PRKG1: variants seen among roughly 807,000 people sequenced by gnomAD.
The protein encoded by PRKG1 is protein kinase cGMP-dependent 1, also known as cGMP-dependent protein kinase 1.
In PRKG1, 35 loss-of-function variants were observed where a neutral mutation model predicts 88.1. That is an observed-to-expected ratio of 0.40 (90% CI 0.30 to 0.53). The LOEUF (loss-of-function observed/expected upper bound fraction) is 0.53. PRKG1 is among the 20% of genes least tolerant of loss of function. The pLI is 0.59. For synonymous variants in PRKG1, 303 were observed against 292.5 expected (o/e 1.04, Z -0.37); for missense variants, 540 against 839.8 (o/e 0.64, Z 4.41).
chr10:51,616,296 T>C (rs1443495252), intron 3 of PRKG1, among the ~76,000 whole-genome samples: 1 of 152,020 alleles, frequency 6.6e-6, no homozygotes, highest in Admixed American at 6.6e-5. Flanking sequence ...GCCCTTCAGG[T>C]GATTTATTCA....
intron 4 of PRKG1, among the ~76,000 whole-genome samples, chr10:51,812,839 C>A (rs1341549207): frequency 1.3e-5 from 2 of 152,214 alleles, no homozygotes; most frequent in East Asian, 1.9e-4. Context: ...CTTCAAATGA[C>A]AAATGACTGT....
chr10:51,256,944 A>G (rs1183702210), intron 2 of PRKG1, among the ~76,000 whole-genome samples: 1 of 152,068 alleles, frequency 6.6e-6, no homozygotes. Context: ...GTGAGAGAGA[A>G]AAAGTAGTCA....
intron 1 of PRKG1, among the ~76,000 whole-genome samples, chr10:51,021,849 T>A (rs891953558): frequency 1.3e-5 from 2 of 151,684 alleles, no homozygotes; most frequent in Non-Finnish European, 2.9e-5. Context: ...CCTGGCTAAT[T>A]TTTGTATTTT....
Position 52,251,573 on chromosome 10 carries a change from T to C in PRKG1, c.1080T>C (p.Tyr360=), listed in dbSNP as rs141218982. 1,475 of 1,613,344 alleles carry C rather than the reference T, an allele frequency of 9.1e-4. 10 individuals are homozygous for C. The African/African-American group carries it at 0.016, about 18-fold the overall frequency. The change falls in exon 10 of 18, where the codon TAT becomes TAC. Residue 360 remains tyrosine, a synonymous_variant. Coordinates refer to ENST00000373980, the MANE Select transcript of PRKG1 (RefSeq NM_006258.4). ...TTTTTCACATCAAAAAATCCAGATA[T>C]GAAGCTGAAGCGGCTTTCTTCGCCA... is the stretch of plus-strand genomic sequence containing the variant. ...AYEDAEAKAK[Y]EAEAAFFANL...
intron 2 of PRKG1, among the ~76,000 whole-genome samples, chr10:51,452,783 T>C (rs943189187): frequency 1.3e-5 from 2 of 151,978 alleles, no homozygotes; most frequent in African/African-American, 4.8e-5. Flanking sequence ...TTGGTTTTGG[T>C]ATTAGGGTGA....
chr10:51,733,721 G>A (rs1430075317), intron 3 of PRKG1, among the ~76,000 whole-genome samples: 1 of 152,198 alleles, frequency 6.6e-6, no homozygotes, highest in African/African-American at 2.4e-5. Context: ...TCGGCCATAA[G>A]TGGATATGAT....
At chr10:51,122,492 T>C (rs1167253691) in intron 1 of PRKG1, among the ~76,000 whole-genome samples, 1 of 152,212 alleles carries the variant, frequency 6.6e-6, no homozygotes, top group Admixed American at 6.5e-5. Flanking sequence ...GGGTTGCCTC[T>C]TGTGGGTATA....
At chr10:51,735,575 G>C (rs1194979111) in intron 3 of PRKG1, among the ~76,000 whole-genome samples, 1 of 151,512 alleles carries the variant, frequency 6.6e-6, no homozygotes, top group African/African-American at 2.4e-5. Context: ...TTTGTGGGGG[G>C]ATTATTCCAA....
chr10:51,840,562 T>TTTATTTAC (rs981692507), intron 4 of PRKG1, among the ~76,000 whole-genome samples: 7 of 141,984 alleles, frequency 4.9e-5, no homozygotes, highest in Non-Finnish European at 9.3e-5. Context: ...TATTTATTTA[T>TTTATTTAC]TGAGACAAAG....
At chr10:51,292,257 C>A (rs759050885) in intron 2 of PRKG1, among the ~76,000 whole-genome samples, 2 of 152,146 alleles carry the variant, frequency 1.3e-5, no homozygotes, top group Non-Finnish European at 2.9e-5. Flanking sequence ...GGTTTAACAT[C>A]TTCCATAAAT....
intron 9 of PRKG1, among the ~76,000 whole-genome samples, chr10:52,190,982 C>A (rs912218470): frequency 6.6e-6 from 1 of 152,166 alleles, no homozygotes; most frequent in East Asian, 1.9e-4. Flanking sequence ...TATTATCACA[C>A]TTAACAAAAT....
At chr10:52,245,065 A>C (rs969630168) in intron 9 of PRKG1, among the ~76,000 whole-genome samples, 1 of 150,890 alleles carries the variant, frequency 6.6e-6, no homozygotes, top group Non-Finnish European at 1.5e-5. Context: ...TCAATACACT[A>C]AGCTTTATTA....
At chr10:51,642,334 G>A (rs1839820595) in intron 3 of PRKG1, among the ~76,000 whole-genome samples, 2 of 152,144 alleles carry the variant, frequency 1.3e-5, no homozygotes, top group Admixed American at 1.3e-4. Flanking sequence ...AGGTTGCAGT[G>A]AGCCAAGATC....
intron 4 of PRKG1, among the ~76,000 whole-genome samples, chr10:51,870,415 G>A (rs1052040965): frequency 5.5e-5 from 8 of 145,076 alleles, no homozygotes; most frequent in South Asian, 2.1e-4. Context: ...TCCTTTCACC[G>A]TCCATCTGCT....
At chr10:51,981,755 C>A (rs1844016642) in intron 5 of PRKG1, among the ~76,000 whole-genome samples, 1 of 152,030 alleles carries the variant, frequency 6.6e-6, no homozygotes, top group Non-Finnish European at 1.5e-5. Context: ...TTTTTTCTTT[C>A]ATTTCAACCT....
At chr10:51,771,755 AC>A (rs1345563444) in intron 3 of PRKG1, among the ~76,000 whole-genome samples, 1 of 152,094 alleles carries the variant, frequency 6.6e-6, no homozygotes, top group Non-Finnish European at 1.5e-5. Flanking sequence ...ACGTAGGTCC[AC>A]CCCTAGCACT....
intron 3 of PRKG1, among the ~76,000 whole-genome samples, chr10:51,476,028 T>A (rs1457846031): frequency 6.6e-6 from 1 of 152,062 alleles, no homozygotes; most frequent in East Asian, 1.9e-4. Flanking sequence ...TTCAACCTTT[T>A]GTACTCATAG....
intron 5 of PRKG1, among the ~76,000 whole-genome samples, chr10:52,029,290 A>G (rs375466745): frequency 6.6e-6 from 1 of 152,304 alleles, no homozygotes; most frequent in East Asian, 1.9e-4. Flanking sequence ...TCTTTCCATT[A>G]TAGTTGTTTC....
intron 2 of PRKG1, among the ~76,000 whole-genome samples, chr10:51,435,292 T>C (rs1373056288): frequency 6.6e-6 from 1 of 152,014 alleles, no homozygotes; most frequent in Non-Finnish European, 1.5e-5. Flanking sequence ...TTATAAGTAG[T>C]GTTTCATGGC....
Sources: gnomAD v4.1 joint callset for allele counts (sites outside exome capture counted in the v4.1 genomes callset) on GRCh38, gnomAD v4.1.1 for gene constraint, MANE v1.5 for transcripts, NCBI Gene and HGNC (gene_info 2026-07-23, HGNC 2026-07-21) for gene names.